Variants in PLEKHS1 observed in about 807,000 individuals in gnomAD.
The protein encoded by PLEKHS1 is pleckstrin homology domain containing S1.
In PLEKHS1, 55 loss-of-function variants were observed where a neutral mutation model predicts 51.0. The observed-to-expected ratio is 1.08, with a 90% CI of 0.87 to 1.35. PLEKHS1 has a LOEUF of 1.35. Ranked by LOEUF, PLEKHS1 falls within the 40% of genes most tolerant of loss-of-function variation. The pLI is 0.00. For missense variants in PLEKHS1, 398 were observed against 423.0 expected, an observed-to-expected ratio of 0.94 and a Z score of 0.52; for synonymous variants, 153 against 144.8, an observed-to-expected ratio of 1.06 and a Z score of -0.41.
downstream of PLEKHS1, chr10:113,782,623 T>C (rs1036229923): frequency 1.3e-5 from 2 of 152,224 alleles, no homozygotes; most frequent in Admixed American, 1.3e-4. Context: ...TGTTTAAAAG[T>C]GTGCAGCACC....
chr10:113,763,579 C>G lies in PLEKHS1; in HGVS notation c.29-2832C>G, dbSNP rs199754289. Reference sequence around the variant, plus strand: ...ATTTTTTATGAATCCATTTTATCTCCTTTGTTGGCTTATTAGTCATTACTT... The same window carrying G: ...ATTTTTTATGAATCCATTTTATCTCGTTTGTTGGCTTATTAGTCATTACTT... On this transcript the variant is annotated intron_variant, in intron 2 of 11. Transcript: ENST00000361048. Among the ~76,000 whole-genome samples, 3 of 152,028 alleles carry G rather than the reference C, an allele frequency of 2.0e-5. No individual in the cohort carries two copies. In the East Asian group the frequency reaches 5.8e-4, roughly 29 times the overall value.
intron 9 of PLEKHS1, 46 bp downstream of exon 9, chr10:113,774,379 G>A: frequency 9.1e-7 from 1 of 1,095,934 alleles, no homozygotes; most frequent in Non-Finnish European, 1.3e-6. Context: ...CTCATCTGCT[G>A]TTAAGGAACA....
chr10:113,777,378 C>T (rs1353247891), intron 11 of PLEKHS1, 119 bp downstream of exon 12: 3 of 1,609,314 alleles, frequency 1.9e-6, no homozygotes, highest in African/African-American at 2.7e-5. Context: ...ATTCTTCCAC[C>T]ATCAAGTGCA....
At chr10:113,769,025 T>A in intron 6 of PLEKHS1, 135 bp downstream of exon 6, 2 of 566,340 alleles carry the variant, frequency 3.5e-6, no homozygotes, top group Non-Finnish European at 5.8e-6. Flanking sequence ...AAAATGTACA[T>A]CCTTATTACT....
chr10:113,752,202 T>C (rs1026240566), intron 1 of PLEKHS1, among the ~76,000 whole-genome samples: 6 of 152,214 alleles, frequency 3.9e-5, no homozygotes, highest in Non-Finnish European at 8.8e-5. Flanking sequence ...TTTAATTACA[T>C]GATCAAAGTA....
At position 113,768,830 on chromosome 10, in the gene PLEKHS1, C is replaced by G. The variant is rs765939901; in HGVS notation, c.375C>G (p.Asp125Glu). 1.9e-6 allele frequency: 3 copies of G among 1,613,618 alleles called. No homozygotes were observed. The East Asian group carries it at 6.7e-5, about 36-fold the overall frequency. ...CTGTCAACAGGGAGAAGATTAAAGA[C>G]TGGGTCTCCTTCATGTCATCATTTC... The change falls in exon 6 of 12, where the codon GAC (aspartate) becomes GAG (glutamate). Residue 125 changes from aspartate to glutamate, a missense_variant. By Grantham distance (45) the Asp-to-Glu change is conservative. Coordinates refer to ENST00000361048, the Ensembl canonical transcript of PLEKHS1.
chr10:113,780,761 C>A, exon 12 of PLEKHS1: 1 of 1,562,592 alleles, frequency 6.4e-7, no homozygotes, highest in East Asian at 2.3e-5. Flanking sequence ...AAAGAGCCAG[C>A]AGAAAGGAGC....
intron 2 of PLEKHS1, among the ~76,000 whole-genome samples, chr10:113,766,049 G>T (rs1052630855): frequency 6.6e-6 from 1 of 152,120 alleles, no homozygotes; most frequent in Non-Finnish European, 1.5e-5. Context: ...TTAATAGCAG[G>T]TGCTTTTGCT....
chr10:113,754,534 G>A (rs1345966876), intron 1 of PLEKHS1, among the ~76,000 whole-genome samples: 1 of 152,104 alleles, frequency 6.6e-6, no homozygotes, highest in Non-Finnish European at 1.5e-5. Context: ...GTGCAGTGGA[G>A]TGATCTCGGC....
intron 4 of PLEKHS1, among the ~76,000 whole-genome samples, chr10:113,766,928 A>G (rs1844189784): frequency 6.6e-6 from 1 of 152,200 alleles, no homozygotes; most frequent in African/African-American, 2.4e-5. Flanking sequence ...GTCATACTTG[A>G]TAAGTCTTTA....
chr10:113,777,078 C>T (rs759166212), intron 11 of PLEKHS1, 46 bp from the exon 12 acceptor site: 8 of 1,603,696 alleles, frequency 5.0e-6, no homozygotes, highest in Non-Finnish European at 6.8e-6. Flanking sequence ...GCCCTCCTGG[C>T]CAGCTGAGCC....
chr10:113,780,778 G>T (rs1237271688), exon 12 of PLEKHS1: 1 of 1,546,884 alleles, frequency 6.5e-7, no homozygotes, highest in Non-Finnish European at 8.7e-7. Flanking sequence ...GAGCCAGGGA[G>T]TAACGCACCC....
intron 5 of PLEKHS1, among the ~76,000 whole-genome samples, 160 bp downstream of exon 5, chr10:113,767,639 T>A (rs139951584): frequency 4.6e-5 from 7 of 152,354 alleles, no homozygotes; most frequent in African/African-American, 1.7e-4. Flanking sequence ...TCTTGAAAAG[T>A]TACTGAGCTA....
chr10:113,777,772 T>C (rs1224481445), intron 11 of PLEKHS1: 5 of 1,449,768 alleles, frequency 3.4e-6, no homozygotes, highest in Non-Finnish European at 4.5e-6. Context: ...AGCCTCAGTT[T>C]CATTATCTCA....
chr10:113,776,485 A>G lies in PLEKHS1; in HGVS notation c.1091+619A>G, dbSNP rs374447073. Among the ~76,000 whole-genome samples, 358 of 152,328 alleles carry G rather than the reference A, an allele frequency of 2.4e-3. 4 individuals are homozygous for G. In the South Asian group the frequency reaches 0.037, roughly 16 times the overall value. ...GTAAACACTACACATTAATTGTCTT[A>G]TAAGTTCTAAGAAGGGAGGAAACAC... On this transcript the variant is annotated intron_variant, in intron 11 of 11. Transcript: ENST00000361048.
intron 11 of PLEKHS1, among the ~76,000 whole-genome samples, chr10:113,780,179 G>C (rs938033570): frequency 1.5e-4 from 23 of 152,164 alleles, no homozygotes; most frequent in Non-Finnish European, 5.9e-5. Context: ...TTCAAGGGAA[G>C]GGGAGAAGGT....
chr10:113,758,259 T>C (rs1843763167), intron 2 of PLEKHS1, among the ~76,000 whole-genome samples: 2 of 152,236 alleles, frequency 1.3e-5, no homozygotes, highest in Non-Finnish European at 2.9e-5. Context: ...TTATGAAATG[T>C]ATTTCTTAAA....
In PLEKHS1 at chr10:113,755,527, C is replaced by G. The variant is rs939721381; in HGVS notation, c.28+222C>G. ...TCAAGTGATCCTCTAACCTCAGCCT[C>G]CCGAGGAGCTGGCACTACAGGCATA... On this transcript the variant is annotated intron_variant, in intron 2 of 11. Coordinates refer to ENST00000361048, the Ensembl canonical transcript of PLEKHS1. 27 of 840,218 alleles carry G rather than the reference C, an allele frequency of 3.2e-5. 1 individual carries two copies. The South Asian group carries it at 4.5e-4, about 14-fold the overall frequency. The allele number at this position is 840,218 out of a possible 1,614,324, so 52.0% of individuals were successfully genotyped here.
intron 11 of PLEKHS1, 93 bp downstream of exon 12, chr10:113,777,352 A>C: frequency 6.2e-7 from 1 of 1,608,014 alleles, no homozygotes; most frequent in Non-Finnish European, 8.5e-7. Flanking sequence ...TACCCTGAAT[A>C]CAAATAAGGT....
Sources: gnomAD v4.1 joint callset for allele counts (sites outside exome capture counted in the v4.1 genomes callset) on GRCh38, gnomAD v4.1.1 for gene constraint, MANE v1.5 for transcripts, NCBI Gene and HGNC (gene_info 2026-07-23, HGNC 2026-07-21) for gene names.